The following FGGY variants were observed in gnomAD, a reference collection of about 807,000 sequenced individuals.
FGGY encodes the protein FGGY carbohydrate kinase domain-containing protein.
Under a neutral mutation model 71.3 loss-of-function variants are expected in FGGY, and 72 were observed. That is an observed-to-expected ratio of 1.01 (90% CI 0.84 to 1.23). The LOEUF (loss-of-function observed/expected upper bound fraction) is 1.23, where lower values mean the gene tolerates loss of function less well. Among genes scored for constraint, FGGY ranks in the 50% most tolerant of loss-of-function variants. The pLI, the probability that FGGY is intolerant of heterozygous loss-of-function variation, is 0.00. For missense variants in FGGY, 668 were observed against 682.3 expected (o/e 0.98, Z 0.23); for synonymous variants, 251 against 250.3 (o/e 1.00, Z -0.02).
chr1:59,393,784 G>C (rs2060987233), intron 5 of FGGY, among the ~76,000 whole-genome samples: 1 of 152,064 alleles, frequency 6.6e-6, no homozygotes, highest in Non-Finnish European at 1.5e-5. Flanking sequence ...TGGGAAAGAG[G>C]CTTCGAAGTG....
At chr1:59,672,497 C>CA (rs1199153622) in intron 13 of FGGY, among the ~76,000 whole-genome samples, 1 of 152,182 alleles carries the variant, frequency 6.6e-6, no homozygotes, top group Non-Finnish European at 1.5e-5. Context: ...TTACTGGACA[C>CA]AGAGCTAGTG....
intron 7 of FGGY, among the ~76,000 whole-genome samples, chr1:59,524,381 C>CGG (rs2094918650): frequency 6.6e-6 from 1 of 151,720 alleles, no homozygotes; most frequent in Non-Finnish European, 1.5e-5. Context: ...CAGAAAGGAG[C>CGG]GGGTCCCTGG....
intron 6 of FGGY, among the ~76,000 whole-genome samples, chr1:59,471,179 T>C (rs563720268): frequency 6.7e-6 from 1 of 149,742 alleles, no homozygotes; most frequent in East Asian, 2.0e-4. Context: ...CCCAATGCTG[T>C]TCTCTTGATA....
chr1:59,315,104 G>A (rs1215765862), intron 1 of FGGY, among the ~76,000 whole-genome samples: 2 of 152,166 alleles, frequency 1.3e-5, no homozygotes, highest in East Asian at 1.9e-4. Context: ...GACCCTCAGA[G>A]TAGAGAAAGG....
chr1:59,584,491 A>G (rs1219492159), intron 8 of FGGY, among the ~76,000 whole-genome samples: 1 of 150,082 alleles, frequency 6.7e-6, no homozygotes. Flanking sequence ...AAAAACTCTC[A>G]ATAAATTAGG....
At chr1:59,373,425 G>C (rs563029529) in intron 4 of FGGY, among the ~76,000 whole-genome samples, 1 of 152,112 alleles carries the variant, frequency 6.6e-6, no homozygotes, top group Non-Finnish European at 1.5e-5. Flanking sequence ...ACAAATGGAA[G>C]AACATTCCAT....
At chr1:59,564,312 A>T (rs1340252394) in intron 8 of FGGY, among the ~76,000 whole-genome samples, 1 of 152,234 alleles carries the variant, frequency 6.6e-6, no homozygotes, top group African/African-American at 2.4e-5. Context: ...TTCAGAAATC[A>T]GTTAGAGAGC....
intron 8 of FGGY, among the ~76,000 whole-genome samples, chr1:59,596,617 C>T (rs1340081039): frequency 6.6e-6 from 1 of 152,178 alleles, no homozygotes; most frequent in Admixed American, 6.5e-5. Context: ...GTGACTCAGG[C>T]TTGCCTAGTA....
At chr1:59,542,752 G>A (rs2095464602) in intron 7 of FGGY, among the ~76,000 whole-genome samples, 1 of 152,042 alleles carries the variant, frequency 6.6e-6, no homozygotes, top group African/African-American at 2.4e-5. Flanking sequence ...CAACACACCT[G>A]GCTTTTTTTA....
At chr1:59,581,427 A>G (rs574306691) in intron 8 of FGGY, among the ~76,000 whole-genome samples, 9 of 149,938 alleles carry the variant, frequency 6.0e-5, no homozygotes, top group Non-Finnish European at 1.3e-4. Flanking sequence ...ATTGGTCACC[A>G]GCTTAAATAG....
intron 1 of FGGY, among the ~76,000 whole-genome samples, chr1:59,305,157 C>T (rs929674549): frequency 2.4e-4 from 37 of 152,176 alleles, no homozygotes; most frequent in South Asian, 6.2e-4. Flanking sequence ...GAAAAGCTTT[C>T]GGCTTTTTGA....
chr1:59,508,232 T>C (rs1282298575), intron 6 of FGGY, among the ~76,000 whole-genome samples: 2 of 152,222 alleles, frequency 1.3e-5, no homozygotes, highest in Non-Finnish European at 2.9e-5. Context: ...TAGCATTTTC[T>C]ACATGGCCCT....
intron 4 of FGGY, among the ~76,000 whole-genome samples, chr1:59,351,007 G>A (rs1275900286): frequency 6.6e-6 from 1 of 152,216 alleles, no homozygotes; most frequent in Non-Finnish European, 1.5e-5. Flanking sequence ...TTATTGGATG[G>A]CTTGAGAAAA....
At chr1:59,375,809 G>T (rs1238542947) in intron 4 of FGGY, among the ~76,000 whole-genome samples, 4 of 151,466 alleles carry the variant, frequency 2.6e-5, no homozygotes, top group African/African-American at 9.7e-5. Flanking sequence ...ACAGTGGCTG[G>T]CTGTGTGGCT....
intron 8 of FGGY, among the ~76,000 whole-genome samples, chr1:59,574,542 C>T (rs974260379): frequency 6.6e-6 from 1 of 152,016 alleles, no homozygotes; most frequent in Non-Finnish European, 1.5e-5. Context: ...TTCAGCCTAC[C>T]ATACCCTTTA....
chr1:59,548,756 A>G (rs1464974911), intron 7 of FGGY, among the ~76,000 whole-genome samples: 1 of 152,204 alleles, frequency 6.6e-6, no homozygotes, highest in Non-Finnish European at 1.5e-5. Flanking sequence ...CAATTGCCAC[A>G]TGTGTCTGGT....
intron 6 of FGGY, among the ~76,000 whole-genome samples, chr1:59,509,188 A>G (rs906770314): frequency 6.6e-6 from 1 of 152,070 alleles, no homozygotes; most frequent in Admixed American, 6.5e-5. Context: ...AGTCTCTACC[A>G]TGCTTCCTAT....
chr1:59,492,264 T>C (rs1036430757), intron 6 of FGGY, among the ~76,000 whole-genome samples: 30 of 152,162 alleles, frequency 2.0e-4, no homozygotes, highest in Admixed American at 6.6e-5. Context: ...TGGGTTTCTG[T>C]CTTTCATATT....
intron 5 of FGGY, among the ~76,000 whole-genome samples, chr1:59,447,792 G>A (rs1357986061): frequency 2.0e-5 from 3 of 152,154 alleles, no homozygotes; most frequent in African/African-American, 7.2e-5. Flanking sequence ...GGAACCATGA[G>A]TTTATTAAAC....
Sources: allele counts gnomAD v4.1 joint callset (sites outside exome capture counted in the v4.1 genomes callset), GRCh38; gene constraint gnomAD v4.1.1; transcripts MANE v1.5; gene names NCBI Gene and HGNC (gene_info 2026-07-23, HGNC 2026-07-21).